DNAJC6: variants seen among roughly 807,000 people sequenced by gnomAD.
The protein encoded by DNAJC6 is auxilin.
A neutral mutation model predicts 110.0 loss-of-function variants in DNAJC6; 34 were observed. The observed-to-expected ratio is 0.31, with a 90% confidence interval of 0.24 to 0.41. The LOEUF is 0.41. DNAJC6 is among the 10% of genes least tolerant of loss of function. The pLI is 1.00. For synonymous variants in DNAJC6, 406 were observed against 437.2 expected (o/e 0.93, Z 0.89); for missense variants, 1,031 against 1,207.8 (o/e 0.85, Z 2.17).
intron 1 of DNAJC6, among the ~76,000 whole-genome samples, chr1:65,292,259 C>A (rs1422162914): frequency 6.6e-6 from 1 of 150,480 alleles, no homozygotes; most frequent in Admixed American, 6.7e-5. Context: ...CTCAGATGAT[C>A]TACCCACCTT....
chr1:65,374,178 C>T (rs554523491), intron 4 of DNAJC6, among the ~76,000 whole-genome samples: 33 of 152,216 alleles, frequency 2.2e-4, no homozygotes, highest in East Asian at 9.6e-4. Context: ...GTTTTGGTTA[C>T]GGTAGCTTTG....
intron 1 of DNAJC6, among the ~76,000 whole-genome samples, chr1:65,281,543 G>A (rs1749963): frequency 0.76 from 115,308 of 152,074 alleles, 44,267 homozygotes; most frequent in East Asian, 0.98. Flanking sequence ...ACTTAGCGTA[G>A]TGGTTATAAA....
At chr1:65,265,478 AC>A (rs1653283037) in intron 1 of DNAJC6, among the ~76,000 whole-genome samples, 1 of 151,730 alleles carries the variant, frequency 6.6e-6, no homozygotes. Flanking sequence ...GATGTAAACT[AC>A]CCCCACTCCA....
intron 1 of DNAJC6, among the ~76,000 whole-genome samples, chr1:65,348,304 G>A (rs1376017040): frequency 6.6e-6 from 1 of 152,186 alleles, no homozygotes; most frequent in Non-Finnish European, 1.5e-5. Context: ...GTTGGTTGCA[G>A]TATTCTATAA....
At chr1:65,300,357 T>C (rs1384426803) in intron 1 of DNAJC6, among the ~76,000 whole-genome samples, 1 of 152,106 alleles carries the variant, frequency 6.6e-6, no homozygotes, top group Non-Finnish European at 1.5e-5. Flanking sequence ...GGGAGAAGGA[T>C]TGGAAGGACA....
At chr1:65,281,854 C>T (rs1345092188) in intron 1 of DNAJC6, among the ~76,000 whole-genome samples, 1 of 152,136 alleles carries the variant, frequency 6.6e-6, no homozygotes, top group Non-Finnish European at 1.5e-5. Flanking sequence ...ATGATCCACC[C>T]ACCTCGGCCT....
intron 1 of DNAJC6, among the ~76,000 whole-genome samples, chr1:65,340,919 T>G (rs1645383067): frequency 6.6e-6 from 1 of 152,092 alleles, no homozygotes; most frequent in Admixed American, 6.5e-5. Flanking sequence ...ATCTGAAAAT[T>G]TGCATTTTTT....
chr1:65,314,559 G>A (rs1371718952), intron 1 of DNAJC6, among the ~76,000 whole-genome samples: 2 of 151,986 alleles, frequency 1.3e-5, no homozygotes, highest in African/African-American at 2.4e-5. Flanking sequence ...GTGTGATCCC[G>A]GCTCACTGCA....
At chr1:65,325,013 A>G (rs1406680090) in intron 1 of DNAJC6, among the ~76,000 whole-genome samples, 1 of 152,190 alleles carries the variant, frequency 6.6e-6, no homozygotes, top group Non-Finnish European at 1.5e-5. Context: ...AATGGTACTT[A>G]GTGGTCGGCC....
intron 7 of DNAJC6, among the ~76,000 whole-genome samples, chr1:65,386,268 C>T (rs565038345): frequency 5.7e-4 from 87 of 152,186 alleles, no homozygotes; most frequent in Middle Eastern, 3.4e-3. Flanking sequence ...ACTAGGTAGA[C>T]GGTGATGTAA....
intron 1 of DNAJC6, among the ~76,000 whole-genome samples, chr1:65,354,125 T>C (rs1189555752): frequency 6.6e-6 from 1 of 152,074 alleles, no homozygotes; most frequent in East Asian, 1.9e-4. Context: ...TAGCAAGTAA[T>C]TGAGTTGAGG....
At chr1:65,293,532 C>T (rs925084753) in intron 1 of DNAJC6, among the ~76,000 whole-genome samples, 2 of 152,124 alleles carry the variant, frequency 1.3e-5, no homozygotes, top group African/African-American at 4.8e-5. Context: ...AAGCAAGTCA[C>T]AAGGCCAGCC....
At chr1:65,374,128 C>A (rs187215931) in intron 4 of DNAJC6, among the ~76,000 whole-genome samples, 1 of 152,218 alleles carries the variant, frequency 6.6e-6, no homozygotes, top group Non-Finnish European at 1.5e-5. Context: ...CTATTTTGTT[C>A]CATTAGTCCA....
At chr1:65,369,509 T>A (rs540257927) in intron 4 of DNAJC6, among the ~76,000 whole-genome samples, 2 of 152,222 alleles carry the variant, frequency 1.3e-5, no homozygotes, top group Non-Finnish European at 2.9e-5. Flanking sequence ...TAAATGTTGA[T>A]GGTAGAGTCT....
At chr1:65,377,281 G>A (rs964525341) in intron 4 of DNAJC6, among the ~76,000 whole-genome samples, 3 of 152,196 alleles carry the variant, frequency 2.0e-5, no homozygotes, top group African/African-American at 7.2e-5. Flanking sequence ...AAAGGAGCTT[G>A]TACAAATGTA....
At chr1:65,303,559 C>T (rs10889539) in intron 1 of DNAJC6, among the ~76,000 whole-genome samples, 87,164 of 150,862 alleles carry the variant, frequency 0.58, 25,635 homozygotes, top group East Asian at 0.79. Flanking sequence ...ATTTGATTCT[C>T]TCTTCTTTTT....
chr1:65,389,650 G>A (rs1570362542), intron 11 of DNAJC6, 23 bp downstream of exon 11: 1 of 1,610,020 alleles, frequency 6.2e-7, no homozygotes, highest in African/African-American at 1.3e-5. Context: ...GTTTCTTTAA[G>A]TCACATGGTT....
chr1:65,403,852 G>A (rs1052805236), intron 15 of DNAJC6, among the ~76,000 whole-genome samples: 2 of 152,250 alleles, frequency 1.3e-5, no homozygotes, highest in Middle Eastern at 3.4e-3. Flanking sequence ...ATGAGTGCGG[G>A]GTCAGCGTCT....
Position 65,406,005 on chromosome 1 carries a change from A to G in DNAJC6, c.2363A>G (p.Gln788Arg), listed in dbSNP as rs1646072524. ...CAGCAGGGAGGTGCCTACAACTGGC[A>G]GCAGCCACAGCCTAAGCCTCAGCCC... ...GWQQGGAYNW[Q>R]QPQPKPQPSM... Residue 788 changes from glutamine (Q) to arginine (R), a missense_variant, in exon 16 of 19, where the codon CAG (glutamine) becomes CGG (arginine). By Grantham distance (43) the Gln-to-Arg change is conservative. Coordinates refer to ENST00000371069, the MANE Select transcript of DNAJC6 (RefSeq NM_001256864.2). 1.2e-6 allele frequency: 2 copies of G among 1,614,178 alleles called. No homozygotes were observed. The highest frequency in any genetic ancestry group is 1.7e-6 in the Non-Finnish European group (2 of 1,180,036).
Sources: allele counts gnomAD v4.1 joint callset (sites outside exome capture counted in the v4.1 genomes callset), GRCh38; gene constraint gnomAD v4.1.1; transcripts MANE v1.5; gene names NCBI Gene and HGNC (gene_info 2026-07-23, HGNC 2026-07-21).